Variants in RABL2A observed in about 807,000 individuals in gnomAD.
The protein encoded by RABL2A is rab-like protein 2A.
A neutral mutation model predicts 30.7 loss-of-function variants in RABL2A; 17 were observed. The ratio of observed to expected loss-of-function variants is 0.55; its 90% CI spans 0.38 to 0.83. The LOEUF (loss-of-function observed/expected upper bound fraction) is 0.83, where lower values mean the gene tolerates loss of function less well. Ranked by LOEUF, RABL2A falls within the 40% of genes least tolerant of loss-of-function variation. RABL2A has a pLI of 0.00. For synonymous variants in RABL2A, 64 were observed against 101.8 expected (o/e 0.63, Z 2.24); for missense variants, 155 against 272.6 (o/e 0.57, Z 3.04).
In RABL2A at chr2:113,635,440, C is replaced by G. The variant is rs570578061; in HGVS notation, c.297+310C>G. 3.9e-5 allele frequency: 17 copies of G among 435,340 alleles called. No individual in the cohort carries two copies. In the East Asian group the frequency reaches 8.7e-4, roughly 22 times the overall value. The allele number at this position is 435,340 out of a possible 1,614,324, so 27.0% of individuals were successfully genotyped here. On this transcript the variant is annotated intron_variant, in intron 5 of 8. Transcript: ENST00000683472. ...GCCACAGTCCCTCTGATGGACCTAA[C>G]CTGTCAGACAAGCTCCCAAGGCCTC...
At chr2:113,627,447 C>G (rs1678484723) in intron 1 of RABL2A, 47 bp downstream of exon 1, 1 of 151,142 alleles carries the variant, frequency 6.6e-6, no homozygotes, top group South Asian at 2.1e-4. Context: ...GCGGGGACAG[C>G]CCCTCCGAGG....
intron 4 of RABL2A, among the ~76,000 whole-genome samples, 196 bp from the exon 5 acceptor site, chr2:113,634,855 G>T (rs1450136557): frequency 1.3e-5 from 2 of 152,186 alleles, no homozygotes; most frequent in African/African-American, 4.8e-5. Context: ...CACAGGTGAA[G>T]ACACACCTCT....
At chr2:113,632,070 C>T (rs1366627418) in intron 2 of RABL2A, among the ~76,000 whole-genome samples, 17 of 151,542 alleles carry the variant, frequency 1.1e-4, no homozygotes, top group African/African-American at 3.9e-4. Context: ...AAGCAGTGAC[C>T]CTTCAAAACG....
At chr2:113,641,318 C>A (rs1685069872) in intron 6 of RABL2A, 35 bp from the exon 7 acceptor site, 1 of 1,613,914 alleles carries the variant, frequency 6.2e-7, no homozygotes, top group African/African-American at 1.3e-5. Context: ...TCTTCCCTTC[C>A]CTTGACAGAC....
At position 113,634,565 on chromosome 2, in the gene RABL2A, G is replaced by T. The variant is rs186574738; in HGVS notation, c.217+333G>T. ...AGGCAGTAGTTTTCCTAGCTTCAGG[G>T]GTTCTTACTCAGCCAGTTTGAAAAA... On this transcript the variant is annotated intron_variant, in intron 4 of 8. Transcript: ENST00000683472. 1.5e-3 allele frequency: 695 copies of T among 450,848 alleles called. 1 individual carries two copies. The highest frequency in any genetic ancestry group is 0.013 in the African/African-American group (638 of 50,634). The allele number at this position is 450,848 out of a possible 1,614,324, so 27.9% of individuals were successfully genotyped here.
chr2:113,641,478 A>G lies in RABL2A; in HGVS notation c.507+28A>G, dbSNP rs1375491480. 3.1e-6 allele frequency: 5 copies of G among 1,610,998 alleles called. No individual in the cohort carries two copies. The South Asian group carries it at 3.3e-5, about 11-fold the overall frequency. ...GTGGTTGACTGCAGAGGTAGCTAGC[A>G]AGGTCAGGGCGCTAGGTGGTAAAGG... On this transcript the variant is annotated intron_variant, in intron 7 of 8. Coordinates refer to ENST00000683472, the MANE Select transcript of RABL2A (RefSeq NM_001306158.2).
At chr2:113,640,541 A>G in intron 5 of RABL2A, 1 of 303,246 alleles carries the variant, frequency 3.3e-6, no homozygotes, top group Non-Finnish European at 6.4e-6. Flanking sequence ...ACGCCCAGCT[A>G]ATTTTTTGCA....
intron 2 of RABL2A, 121 bp from the exon 3 acceptor site, chr2:113,632,794 G>A (rs1680905920): frequency 5.3e-6 from 7 of 1,317,744 alleles, no homozygotes; most frequent in Non-Finnish European, 7.6e-6. Context: ...GTGTGGCTGT[G>A]GAGTGAAAGG....
Position 113,634,203 on chromosome 2 carries a change from C to T in RABL2A, c.188C>T (p.Ala63Val). 6.2e-7 allele frequency: 1 copy of T among 1,613,040 alleles called. No individual in the cohort carries two copies. Among genetic ancestry groups the T allele is most frequent in the Non-Finnish European group, 8.5e-7 (1 of 1,179,466 alleles). ...GCCCTGACCCTGTACAAGCACACAGCCACGGTAGATGGCAAGACCATCCTT... is the reference window on the plus strand; with the variant it reads ...GCCCTGACCCTGTACAAGCACACAGTCACGGTAGATGGCAAGACCATCCTT... ...TYALTLYKHT[A>V]TVDGKTILVD... Residue 63 changes from alanine (A) to valine (V), a missense_variant, in exon 4 of 9, where the codon GCC (alanine) becomes GTC (valine). By Grantham distance (64) the Ala-to-Val change is moderately conservative (BLOSUM62 0). This residue lies in a region of RABL2A where 82 missense variants were observed against 103.2 expected (regional missense o/e 0.79). Coordinates refer to ENST00000683472, the MANE Select transcript of RABL2A (RefSeq NM_001306158.2).
chr2:113,636,426 A>C (rs188243925), intron 5 of RABL2A, among the ~76,000 whole-genome samples: 33 of 152,048 alleles, frequency 2.2e-4, no homozygotes, highest in Middle Eastern at 3.4e-3. Context: ...AGCAGGTTCT[A>C]CTCCCCGTGT....
intron 5 of RABL2A, chr2:113,640,497 T>G (rs1684722799): frequency 3.5e-6 from 1 of 286,670 alleles, no homozygotes. Flanking sequence ...TGCCTCAGCC[T>G]CCCAAGTAGC....
chr2:113,640,093 G>C (rs570275284), intron 5 of RABL2A: 1 of 151,972 alleles, frequency 6.6e-6, no homozygotes, highest in South Asian at 2.1e-4. Flanking sequence ...GTTACAGTGA[G>C]CTGTGATTGA....
rs371833962 is a variant in RABL2A, at chr2:113,642,131, G to A, written c.*2G>A. The stretch of plus-strand genomic sequence containing the variant: ...GAGGTGGCCTCTCCCCACAGCTGAG[G>A]GGCTGGGGCTAGGGGTGGGTGGAGC... On this transcript the variant is annotated 3_prime_UTR_variant, in exon 9 of 9. Transcript: ENST00000683472. The A allele has an allele frequency of 3.3e-4, 537 of 1,613,570 alleles. No individual in the cohort carries two copies. The highest frequency in any genetic ancestry group is 4.3e-4 in the Non-Finnish European group (503 of 1,179,846).
At chr2:113,637,005 T>TA (rs375997102) in intron 5 of RABL2A, among the ~76,000 whole-genome samples, 1 of 109,688 alleles carries the variant, frequency 9.1e-6, no homozygotes, top group African/African-American at 4.9e-5. Flanking sequence ...AATAAAAAAA[T>TA]AAAAAAATAA....
chr2:113,639,760 A>T (rs1402054640), intron 5 of RABL2A, among the ~76,000 whole-genome samples: 1 of 151,930 alleles, frequency 6.6e-6, no homozygotes, highest in Non-Finnish European at 1.5e-5. Flanking sequence ...GGAGGCTGAG[A>T]CAAGAGAATC....
Position 113,642,191 on chromosome 2 carries a change from A to T in RABL2A, c.*62A>T. 2 of 1,501,880 alleles carry T rather than the reference A, an allele frequency of 1.3e-6. No homozygotes were observed. Among genetic ancestry groups the T allele is most frequent in the South Asian group, 1.4e-5 (1 of 72,514 alleles). 93.0% of individuals were successfully genotyped at this position (1,501,880 alleles called of 1,614,324 possible). A position where few individuals can be genotyped will look rare whatever the true frequency, so the allele number is the denominator to read the frequency against. ...ATACCCTTCCCTTCAACAACTCTCC[A>T]GCTCTGAATGGAGAAACTCTCTAGG... On this transcript the variant is annotated 3_prime_UTR_variant, in exon 9 of 9. Coordinates refer to ENST00000683472, the MANE Select transcript of RABL2A (RefSeq NM_001306158.2).
At chr2:113,628,765 A>G (rs893472298) in intron 2 of RABL2A, 52 bp downstream of exon 2, 1 of 999,922 alleles carries the variant, frequency 1.0e-6, no homozygotes, top group African/African-American at 1.7e-5. Flanking sequence ...GGTCCAGGTC[A>G]TTTAAAAAGT....
intron 2 of RABL2A, among the ~76,000 whole-genome samples, chr2:113,628,952 G>A (rs547865594): frequency 1.4e-4 from 21 of 151,988 alleles, no homozygotes; most frequent in South Asian, 6.3e-4. Flanking sequence ...CTGAGAGAAC[G>A]TGTGGAGCAA....
Position 113,640,916 on chromosome 2 carries a change from T to C in RABL2A, c.320T>C (p.Val107Ala). ...CAGGTGTTTGATATACAGAGGAAAG[T>C]CACCTATAGGAACCTGAGCACCTGG... ...CIMVFDIQRK[V>A]TYRNLSTWYT... The change falls in exon 6 of 9, where the codon GTC becomes GCC. Residue 107 changes from valine to alanine, a missense_variant. Around this residue, in one of 5 missense-constraint regions of RABL2A, gnomAD observed 82 missense variants for 103.2 expected, o/e 0.79. Coordinates refer to ENST00000683472, the MANE Select transcript of RABL2A (RefSeq NM_001306158.2). 1 of 1,613,890 alleles carries C rather than the reference T, an allele frequency of 6.2e-7. No homozygotes were observed. The highest frequency in any genetic ancestry group is 8.5e-7 in the Non-Finnish European group (1 of 1,179,858).
Sources: gnomAD v4.1 joint callset for allele counts (sites outside exome capture counted in the v4.1 genomes callset) on GRCh38, gnomAD v4.1.1 for gene constraint, gnomAD v4.1.1 regional missense constraint, MANE v1.5 for transcripts, NCBI Gene and HGNC (gene_info 2026-07-23, HGNC 2026-07-21) for gene names.